Variants in ADCY1 observed in about 807,000 individuals in gnomAD.
The protein encoded by ADCY1 is adenylate cyclase type 1.
ADCY1 carries 28 observed loss-of-function variants against 105.4 expected under a neutral mutation model. That is an observed-to-expected ratio of 0.27 (90% CI 0.20 to 0.36). The LOEUF (loss-of-function observed/expected upper bound fraction) is 0.36. Ranked by LOEUF, ADCY1 falls within the 10% of genes least tolerant of loss-of-function variation. The probability of loss-of-function intolerance (pLI) is 1.00; values close to 1 mark genes in which losing one functional copy is unlikely to be tolerated. For synonymous variants in ADCY1, 655 were observed against 623.8 expected, an observed-to-expected ratio of 1.05 and a Z score of -0.75; for missense variants, 977 against 1,434.2, an observed-to-expected ratio of 0.68 and a Z score of 5.15.
intron 14 of ADCY1, among the ~76,000 whole-genome samples, chr7:45,691,589 T>G (rs937661398): frequency 6.6e-6 from 1 of 152,204 alleles, no homozygotes; most frequent in Non-Finnish European, 1.5e-5. Flanking sequence ...CTGTAAACTC[T>G]TGTATGCTTT....
chr7:45,592,129 T>C (rs1792936096), intron 1 of ADCY1, among the ~76,000 whole-genome samples: 1 of 150,704 alleles, frequency 6.6e-6, no homozygotes, highest in Non-Finnish European at 1.5e-5. Context: ...GAACAGCCAC[T>C]CTACACATAT....
intron 14 of ADCY1, among the ~76,000 whole-genome samples, chr7:45,691,201 G>A (rs1784781495): frequency 6.6e-6 from 1 of 152,212 alleles, no homozygotes; most frequent in South Asian, 2.1e-4. Flanking sequence ...TGCCCAATGA[G>A]CATACCAGTA....
intron 3 of ADCY1, among the ~76,000 whole-genome samples, chr7:45,613,017 C>T (rs534216275): frequency 6.6e-6 from 1 of 152,158 alleles, no homozygotes; most frequent in Non-Finnish European, 1.5e-5. Context: ...GAGGTACCTG[C>T]TTTGTCTAAA....
In ADCY1 at chr7:45,657,849, C is replaced by A. The variant is rs1794983708; in HGVS notation, c.1271C>A (p.Thr424Asn). 1 of 1,585,540 alleles carries A rather than the reference C, an allele frequency of 6.3e-7. No individual in the cohort carries two copies. The highest frequency in any genetic ancestry group is 8.6e-7 in the Non-Finnish European group (1 of 1,163,482). The change falls in exon 6 of 20, where the codon ACC (threonine) becomes AAC (asparagine). Residue 424 changes from threonine to asparagine, a missense_variant. Physicochemically the swap from Thr to Asn is moderately conservative, Grantham distance 65. Coordinates refer to ENST00000297323, the MANE Select transcript of ADCY1 (RefSeq NM_021116.4). ...TACGACGTGTGGTCCAATGATGTGA[C>A]CTTGGCCAATGTCATGGAAGCCGCT... ...WQYDVWSNDV[T>N]LANVMEAAGL... is the part of the protein sequence containing the mutation.
In ADCY1 at chr7:45,635,601, G is replaced by GTTTTT. The variant is rs71030884; in HGVS notation, c.1020+12882_1020+12886dup. 4.9e-4 allele frequency among the ~76,000 whole-genome samples: 28 copies of GTTTTT among 57,202 alleles called. 2 individuals carry two copies. The highest frequency in any genetic ancestry group is 1.3e-3 in the African/African-American group (18 of 14,374). The allele number at this position is 57,202 out of a possible 152,430, so 37.5% of individuals were successfully genotyped here. A position where few individuals can be genotyped will look rare whatever the true frequency, so the allele number is the denominator to read the frequency against. On this transcript the variant is annotated intron_variant, in intron 4 of 19. Transcript: ENST00000297323. Reference sequence around the variant, plus strand: ...TTCAAAATACTTTCTAATTTCTCTTGTTTTTTTTTTTTTTTTTTTTTTTTT... The same window carrying GTTTTT: ...TTCAAAATACTTTCTAATTTCTCTTGTTTTTTTTTTTTTTTTTTTTTTTTTTTTTT...
chr7:45,700,871 A>G (rs899534485), intron 14 of ADCY1, among the ~76,000 whole-genome samples: 1 of 152,190 alleles, frequency 6.6e-6, no homozygotes, highest in Admixed American at 6.5e-5. Flanking sequence ...CTCATAGCAC[A>G]TGTCGGCACA....
chr7:45,632,544 A>G (rs1794286280), intron 4 of ADCY1, among the ~76,000 whole-genome samples: 1 of 122,480 alleles, frequency 8.2e-6, no homozygotes, highest in Admixed American at 7.7e-5. Context: ...TCAGAAATGT[A>G]TAGTTTTCAG....
At chr7:45,666,584 A>C (rs1210242659) in intron 8 of ADCY1, among the ~76,000 whole-genome samples, 1 of 152,216 alleles carries the variant, frequency 6.6e-6, no homozygotes, top group Non-Finnish European at 1.5e-5. Flanking sequence ...GCCGCAATAA[A>C]CATACGTGTG....
In ADCY1 at chr7:45,577,997, C is replaced by A. The variant is rs544412603; in HGVS notation, c.639+2815C>A. Among the ~76,000 whole-genome samples, 14 of 152,318 alleles carry A rather than the reference C, an allele frequency of 9.2e-5. No homozygotes were observed. In the Middle Eastern group the frequency reaches 0.01, roughly 111 times the overall value. On this transcript the variant is annotated intron_variant, in intron 1 of 19. Transcript: ENST00000297323. ...GTGTTTTCTTTCCAGAGCCTTTGCCCCTCCAAAGCAAGGCTCTCAGGGTTC... is the reference window on the plus strand; with the variant it reads ...GTGTTTTCTTTCCAGAGCCTTTGCCACTCCAAAGCAAGGCTCTCAGGGTTC...
At chr7:45,602,564 C>T (rs766746939) in intron 2 of ADCY1, among the ~76,000 whole-genome samples, 14 of 152,178 alleles carry the variant, frequency 9.2e-5, no homozygotes, top group African/African-American at 1.4e-4. Context: ...GAGTTCTCAT[C>T]ATGTGAAGAA....
rs1414983390 is a variant in ADCY1, at chr7:45,708,966, T to A, written c.2932+502T>A. ...CTAGCTTTTATAAAACTATGATTTGTTGTTTTTTTTTTTAATCATAAATTC... is the reference window on the plus strand; with the variant it reads ...CTAGCTTTTATAAAACTATGATTTGATGTTTTTTTTTTTAATCATAAATTC... On this transcript the variant is annotated intron_variant, in intron 18 of 19. Coordinates refer to ENST00000297323, the MANE Select transcript of ADCY1 (RefSeq NM_021116.4). The surrounding 1 kb of genome is among the most constrained non-coding windows in gnomAD (Gnocchi z 4.7). Among the ~76,000 whole-genome samples the A allele has an allele frequency of 6.8e-6, 1 of 147,834 alleles. No individual in the cohort carries two copies. Among genetic ancestry groups the A allele is most frequent in the Non-Finnish European group, 1.5e-5 (1 of 66,402 alleles).
At chr7:45,633,693 T>A (rs1004141569) in intron 4 of ADCY1, among the ~76,000 whole-genome samples, 3 of 151,714 alleles carry the variant, frequency 2.0e-5, no homozygotes, top group African/African-American at 7.3e-5. Flanking sequence ...TCCCAGCTAC[T>A]TGGGAGACTG....
At chr7:45,628,312 C>G (rs1794124315) in intron 4 of ADCY1, among the ~76,000 whole-genome samples, 1 of 152,222 alleles carries the variant, frequency 6.6e-6, no homozygotes, top group African/African-American at 2.4e-5. Flanking sequence ...CCAAGTGAGC[C>G]TCTCGCTTTC....
At chr7:45,579,581 C>T (rs1028400954) in intron 1 of ADCY1, among the ~76,000 whole-genome samples, 2 of 152,194 alleles carry the variant, frequency 1.3e-5, no homozygotes, top group Non-Finnish European at 2.9e-5. Context: ...ATCCATCTGC[C>T]TTGGTGGAGC....
chr7:45,652,944 A>G (rs1438702836), intron 5 of ADCY1, among the ~76,000 whole-genome samples: 1 of 152,228 alleles, frequency 6.6e-6, no homozygotes, highest in Non-Finnish European at 1.5e-5. Flanking sequence ...GGCCCTGGGC[A>G]GTCTGACCCT....
In ADCY1 at chr7:45,574,814, G is replaced by C; in HGVS notation, c.271G>C (p.Ala91Pro). ...LGAPGPAPGL[A>P]KGSHPVHCVL... is the part of the protein sequence containing the mutation. ...CGCGCCGGGGCCCGCGCCCGGCCTG[G>C]CCAAGGGCTCACACCCGGTGCACTG... Residue 91 changes from alanine (A) to proline (P), a missense_variant, in exon 1 of 20, where the codon GCC becomes CCC. Physicochemically the swap from Ala to Pro is conservative, Grantham distance 27. Transcript: ENST00000297323. This position sits in a 1 kb window ranked among gnomAD's most constrained non-coding sequence, Gnocchi z 7.0. 4 of 1,606,440 alleles carry C rather than the reference G, an allele frequency of 2.5e-6. No individual in the cohort carries two copies. The highest frequency in any genetic ancestry group is 2.2e-5 in the East Asian group (1 of 44,568).
intron 1 of ADCY1, among the ~76,000 whole-genome samples, chr7:45,580,060 CTT>C (rs1388725401): frequency 1.3e-5 from 2 of 151,180 alleles, no homozygotes; most frequent in African/African-American, 4.9e-5. Flanking sequence ...GGGCAGTTAA[CTT>C]TAACATAAAA....
intron 11 of ADCY1, among the ~76,000 whole-genome samples, chr7:45,682,443 GAGGT>G: frequency 6.6e-6 from 1 of 152,290 alleles, no homozygotes; most frequent in East Asian, 1.9e-4. Context: ...GGAAGCCCAG[GAGGT>G]GTGCACTGGC....
intron 9 of ADCY1, 47 bp downstream of exon 9, chr7:45,678,110 G>A (rs752195110): frequency 6.2e-6 from 10 of 1,613,440 alleles, no homozygotes; most frequent in South Asian, 3.3e-5. Context: ...TTGCGAAGGC[G>A]CTGCCTGGCT....
Sources: allele counts gnomAD v4.1 joint callset (sites outside exome capture counted in the v4.1 genomes callset), GRCh38; gene constraint gnomAD v4.1.1; non-coding constraint Gnocchi (gnomAD v3.1); transcripts MANE v1.5; gene names NCBI Gene and HGNC (gene_info 2026-07-23, HGNC 2026-07-21).